Variants in IGSF21 observed in about 807,000 individuals in gnomAD.
The protein encoded by IGSF21 is immunoglobulin superfamily member 21.
Under a neutral mutation model 46.8 loss-of-function variants are expected in IGSF21, and 28 were observed. That is an observed-to-expected ratio of 0.60 (90% CI 0.44 to 0.82). The LOEUF is 0.82. Among genes scored for constraint, IGSF21 ranks in the 40% least tolerant of loss-of-function variants. The pLI, the probability that IGSF21 is intolerant of heterozygous loss-of-function variation, is 0.00. For synonymous variants in IGSF21, 284 were observed against 273.6 expected, an observed-to-expected ratio of 1.04 and a Z score of -0.38; for missense variants, 624 against 665.5, an observed-to-expected ratio of 0.94 and a Z score of 0.69.
In IGSF21 at chr1:18,341,431, A is replaced by C. The variant is rs139590870; in HGVS notation, c.424+6421A>C. ...CACATCATCTTCAGGGACATAATTC[A>C]ACCCACAGCAGTAACTGAGTCAGGA... On this transcript the variant is annotated intron_variant, in intron 4 of 9. Transcript: ENST00000251296. Among the ~76,000 whole-genome samples, 40 of 152,234 alleles carry C rather than the reference A, an allele frequency of 2.6e-4. 1 individual carries two copies. In the Middle Eastern group the frequency reaches 0.017, roughly 65 times the overall value.
chr1:18,186,263 A>G (rs2086902214), intron 1 of IGSF21, among the ~76,000 whole-genome samples: 1 of 152,172 alleles, frequency 6.6e-6, no homozygotes. Context: ...GGGAAATTGT[A>G]AATCTTGCCC....
intron 2 of IGSF21, among the ~76,000 whole-genome samples, chr1:18,233,857 A>G (rs1223321679): frequency 6.6e-6 from 1 of 152,096 alleles, no homozygotes; most frequent in Non-Finnish European, 1.5e-5. Flanking sequence ...AGCCATTTCA[A>G]TGGATTTTAG....
chr1:18,169,411 C>T lies in IGSF21; in HGVS notation c.71-58487C>T, dbSNP rs571453306. On this transcript the variant is annotated intron_variant, in intron 1 of 9. Coordinates refer to ENST00000251296, the MANE Select transcript of IGSF21 (RefSeq NM_032880.5). ...TTTCTTCCACCATTCCTCTAACCCC[C>T]GTCTTGCCCACGCTAACTGGGATGC... Among the ~76,000 whole-genome samples the T allele has an allele frequency of 7.2e-5, 11 of 152,328 alleles. No individual in the cohort carries two copies. The East Asian group carries it at 1.9e-3, about 27-fold the overall frequency.
chr1:18,213,401 C>T (rs1052504803), intron 1 of IGSF21, among the ~76,000 whole-genome samples: 7 of 152,188 alleles, frequency 4.6e-5, no homozygotes, highest in Non-Finnish European at 8.8e-5. Context: ...TGGCTCCATA[C>T]AGTCATTCAA....
rs60257732 is a variant in IGSF21 at position 18,318,465 on chromosome 1, C to CGTGTGT, written c.306-16407_306-16402dup. Among the ~76,000 whole-genome samples, 663 of 148,784 alleles carry CGTGTGT rather than the reference C, an allele frequency of 4.5e-3. 3 individuals carry two copies. Among genetic ancestry groups the CGTGTGT allele is most frequent in the African/African-American group, 0.012 (498 of 40,520 alleles). ...GGGTGCATGCACGTGTGCGTGCGTG[C>CGTGTGT]GTGTGTGTGTGTGTGTGTGTGTGTG... On this transcript the variant is annotated intron_variant, in intron 3 of 9. Transcript: ENST00000251296.
chr1:18,310,734 A>C (rs892772699), intron 3 of IGSF21, among the ~76,000 whole-genome samples: 9 of 152,206 alleles, frequency 5.9e-5, no homozygotes, highest in Non-Finnish European at 1.2e-4. Context: ...CACAGTTCTC[A>C]AGGCTAGAAG....
intron 1 of IGSF21, among the ~76,000 whole-genome samples, chr1:18,116,273 C>T (rs900562374): frequency 1.3e-5 from 2 of 152,176 alleles, no homozygotes; most frequent in Non-Finnish European, 2.9e-5. Context: ...CTTGCCAGCA[C>T]ATCCCTGGGT....
chr1:18,258,690 A>T (rs2084914090), intron 2 of IGSF21, among the ~76,000 whole-genome samples: 1 of 152,164 alleles, frequency 6.6e-6, no homozygotes, highest in Admixed American at 6.5e-5. Context: ...CAGCTGTGTA[A>T]CCTTGGGCAG....
intron 1 of IGSF21, among the ~76,000 whole-genome samples, chr1:18,140,433 G>T (rs1020403222): frequency 6.6e-6 from 1 of 152,174 alleles, no homozygotes; most frequent in Non-Finnish European, 1.5e-5. Context: ...CTCACAGTCT[G>T]CATCTCGGGG....
chr1:18,297,147 G>A (rs554305479), intron 3 of IGSF21, among the ~76,000 whole-genome samples: 1 of 152,252 alleles, frequency 6.6e-6, no homozygotes, highest in Admixed American at 6.5e-5. Flanking sequence ...ATGAGGACAG[G>A]GACTAGGTCT....
chr1:18,285,879 T>C (rs2124560178), intron 2 of IGSF21, among the ~76,000 whole-genome samples: 1 of 152,320 alleles, frequency 6.6e-6, no homozygotes, highest in African/African-American at 2.4e-5. Flanking sequence ...CGCCAATGTA[T>C]GCCAGCTATT....
chr1:18,111,092 G>T (rs879734123), intron 1 of IGSF21: 5 of 152,404 alleles, frequency 3.3e-5, no homozygotes, highest in African/African-American at 1.2e-4. Flanking sequence ...GACTGCGGGG[G>T]CTGTGCGCGC....
intron 1 of IGSF21, among the ~76,000 whole-genome samples, chr1:18,126,217 C>G (rs1435884834): frequency 1.3e-5 from 2 of 152,138 alleles, no homozygotes; most frequent in Non-Finnish European, 2.9e-5. Context: ...TGAGAGCTCG[C>G]TCGCTTTGGC....
intron 2 of IGSF21, among the ~76,000 whole-genome samples, chr1:18,239,126 C>T (rs1464284626): frequency 2.6e-5 from 4 of 152,140 alleles, no homozygotes; most frequent in African/African-American, 9.7e-5. Flanking sequence ...ATATTAAGCC[C>T]AAAGTGTGAT....
chr1:18,231,100 G>A (rs544055471), intron 2 of IGSF21, among the ~76,000 whole-genome samples: 20 of 152,132 alleles, frequency 1.3e-4, no homozygotes, highest in South Asian at 2.1e-4. Context: ...CTCCAACCCC[G>A]TTAGAAGGAA....
intron 3 of IGSF21, among the ~76,000 whole-genome samples, chr1:18,327,915 A>G (rs550146573): frequency 9.2e-5 from 14 of 152,240 alleles, no homozygotes; most frequent in Admixed American, 2.6e-4. Flanking sequence ...TGAAACAAAC[A>G]AAGGCAAGGA....
At chr1:18,319,142 T>C (rs1238997788) in intron 3 of IGSF21, among the ~76,000 whole-genome samples, 1 of 152,216 alleles carries the variant, frequency 6.6e-6, no homozygotes, top group Non-Finnish European at 1.5e-5. Context: ...TGCTCCTTGG[T>C]GTCAGGGACT....
intron 1 of IGSF21, among the ~76,000 whole-genome samples, chr1:18,189,816 G>A (rs943928176): frequency 2.6e-5 from 4 of 152,188 alleles, no homozygotes; most frequent in Non-Finnish European, 5.9e-5. Context: ...TTACTGATGT[G>A]TGGCCCGTTT....
intron 1 of IGSF21, among the ~76,000 whole-genome samples, chr1:18,201,807 A>T (rs903215463): frequency 6.6e-6 from 1 of 152,180 alleles, no homozygotes; most frequent in South Asian, 2.1e-4. Context: ...CTGATAGAAC[A>T]TCCACAAAGT....
Sources: allele counts gnomAD v4.1 joint callset (sites outside exome capture counted in the v4.1 genomes callset), GRCh38; gene constraint gnomAD v4.1.1; transcripts MANE v1.5; gene names NCBI Gene and HGNC (gene_info 2026-07-23, HGNC 2026-07-21).